The following LAPTM4B variants were observed in gnomAD, a reference collection of about 807,000 sequenced individuals.
LAPTM4B encodes the protein lysosomal-associated transmembrane protein 4B.
LAPTM4B carries 26 observed loss-of-function variants against 28.5 expected under a neutral mutation model. That is an observed-to-expected ratio of 0.91 (90% CI 0.67 to 1.27). LAPTM4B has a LOEUF of 1.27. Among genes scored for constraint, LAPTM4B ranks in the 50% most tolerant of loss-of-function variants. The pLI, the probability that LAPTM4B is intolerant of heterozygous loss-of-function variation, is 0.00. For synonymous variants in LAPTM4B, 109 were observed against 106.4 expected (o/e 1.02, Z -0.15); for missense variants, 288 against 285.8 (o/e 1.01, Z -0.06).
intron 2 of LAPTM4B, among the ~76,000 whole-genome samples, chr8:97,807,901 AAAAAAAG>A (rs1387156278): frequency 3.0e-4 from 46 of 151,982 alleles, no homozygotes; most frequent in South Asian, 6.2e-4. Context: ...AAAAAAAAAA[AAAAAAAG>A]GAAAAGTTGG....
intron 6 of LAPTM4B, among the ~76,000 whole-genome samples, chr8:97,833,885 C>T (rs1817221483): frequency 6.6e-6 from 1 of 152,024 alleles, no homozygotes; most frequent in South Asian, 2.1e-4. Flanking sequence ...GAGAAGCTTT[C>T]CCTCATGTAC....
At chr8:97,804,881 G>A (rs572862385) in intron 1 of LAPTM4B, among the ~76,000 whole-genome samples, 126 of 152,282 alleles carry the variant, frequency 8.3e-4, no homozygotes, top group African/African-American at 2.6e-3. Context: ...TTCATTCTCT[G>A]AAACTGCTTC....
At chr8:97,847,885 A>C (rs1169880401) in intron 6 of LAPTM4B, among the ~76,000 whole-genome samples, 1 of 152,248 alleles carries the variant, frequency 6.6e-6, no homozygotes, top group Non-Finnish European at 1.5e-5. Flanking sequence ...AACTTTAATG[A>C]AAGGAGAAAT....
chr8:97,794,924 T>C (rs964166508), intron 1 of LAPTM4B, among the ~76,000 whole-genome samples: 6 of 152,022 alleles, frequency 3.9e-5, no homozygotes, highest in African/African-American at 1.4e-4. Flanking sequence ...GTTGTGCAGG[T>C]TGGTCTCAAA....
chr8:97,777,376 G>T (rs1195619534), intron 1 of LAPTM4B, among the ~76,000 whole-genome samples: 1 of 151,884 alleles, frequency 6.6e-6, no homozygotes, highest in East Asian at 1.9e-4. Flanking sequence ...TCGAACTGCT[G>T]ACCTCGTGAT....
intron 1 of LAPTM4B, among the ~76,000 whole-genome samples, chr8:97,791,569 C>A (rs1816500102): frequency 6.6e-6 from 1 of 152,084 alleles, no homozygotes; most frequent in South Asian, 2.1e-4. Context: ...GCACGCTAGC[C>A]CCTTGTCAGA....
chr8:97,832,541 A>G (rs1401051481), intron 6 of LAPTM4B, among the ~76,000 whole-genome samples: 2 of 152,176 alleles, frequency 1.3e-5, no homozygotes, highest in Non-Finnish European at 2.9e-5. Context: ...TTTTCTTCTG[A>G]AAGAATTATA....
chr8:97,816,087 C>T lies in LAPTM4B; in HGVS notation c.315C>T (p.Phe105=), dbSNP rs771137387. 1 of 1,613,492 alleles carries T rather than the reference C, an allele frequency of 6.2e-7. No homozygotes were observed. The highest frequency in any genetic ancestry group is 2.2e-5 in the East Asian group (1 of 44,848). The part of the protein sequence containing the change: ...KQRAAWIIPF[F]CYQIFDFALN... ...GCGCAGCCTGGATCATCCCATTCTT[C>T]TGTTACCAGATCTTTGACTTTGCCC... The change falls in exon 4 of 7, where the codon TTC becomes TTT. Residue 105 remains phenylalanine, a synonymous_variant. Coordinates refer to ENST00000521545, the MANE Select transcript of LAPTM4B (RefSeq NM_018407.6).
intron 6 of LAPTM4B, among the ~76,000 whole-genome samples, chr8:97,845,860 C>CT (rs150901580): frequency 0.15 from 5,985 of 38,764 alleles, 928 homozygotes; most frequent in African/African-American, 0.21. Context: ...CCTTTTCCCC[C>CT]CCCTTCCACT....
chr8:97,844,775 G>A (rs1397384726), intron 6 of LAPTM4B, among the ~76,000 whole-genome samples: 2 of 152,134 alleles, frequency 1.3e-5, no homozygotes, highest in Non-Finnish European at 2.9e-5. Context: ...GTAAAAGCTT[G>A]CAACTCATCT....
At chr8:97,798,916 T>G (rs946544833) in intron 1 of LAPTM4B, among the ~76,000 whole-genome samples, 1 of 152,216 alleles carries the variant, frequency 6.6e-6, no homozygotes, top group Non-Finnish European at 1.5e-5. Flanking sequence ...CAGCACAGTG[T>G]ATCTAAAATC....
chr8:97,814,166 T>C (rs944657101), intron 2 of LAPTM4B, among the ~76,000 whole-genome samples: 8 of 152,066 alleles, frequency 5.3e-5, no homozygotes, highest in South Asian at 2.1e-4. Context: ...CAACTCCAGA[T>C]TGGGAGACCA....
chr8:97,815,956 A>G (rs541576224), intron 3 of LAPTM4B, 102 bp from the exon 4 acceptor site: 1 of 1,201,084 alleles, frequency 8.3e-7, no homozygotes, highest in Non-Finnish European at 1.1e-6. Context: ...ATGAATTCCA[A>G]TTTTTCCATT....
At chr8:97,782,205 T>A (rs1482377347) in intron 1 of LAPTM4B, among the ~76,000 whole-genome samples, 1 of 144,236 alleles carries the variant, frequency 6.9e-6, no homozygotes, top group Non-Finnish European at 1.5e-5. Context: ...GGTCTCGAAC[T>A]CCCGACCTCT....
chr8:97,841,393 T>A (rs1245791906), intron 6 of LAPTM4B, among the ~76,000 whole-genome samples: 1 of 152,226 alleles, frequency 6.6e-6, no homozygotes, highest in Non-Finnish European at 1.5e-5. Context: ...AATGGCACGA[T>A]CTTGGCTTAC....
chr8:97,802,339 C>T (rs1008926046), intron 1 of LAPTM4B, among the ~76,000 whole-genome samples: 4 of 152,134 alleles, frequency 2.6e-5, no homozygotes, highest in African/African-American at 4.8e-5. Context: ...GGGCAATTCC[C>T]GGAAATGAGA....
At chr8:97,776,633 A>T (rs1390527857) in intron 1 of LAPTM4B, among the ~76,000 whole-genome samples, 2 of 152,150 alleles carry the variant, frequency 1.3e-5, no homozygotes, top group Admixed American at 1.3e-4. Flanking sequence ...ACGCCGTCGC[A>T]CGTTCGGATC....
At chr8:97,778,544 G>A (rs957755542) in intron 1 of LAPTM4B, among the ~76,000 whole-genome samples, 62 of 152,166 alleles carry the variant, frequency 4.1e-4, no homozygotes, top group African/African-American at 1.4e-3. Context: ...ACTGTGGCAA[G>A]CTATATCCGC....
chr8:97,811,343 G>A (rs1355560095), intron 2 of LAPTM4B, among the ~76,000 whole-genome samples: 1 of 152,096 alleles, frequency 6.6e-6, no homozygotes, highest in East Asian at 1.9e-4. Flanking sequence ...GTATAAAAAT[G>A]GTCATAGTAG....
Sources: gnomAD v4.1 joint callset for allele counts (sites outside exome capture counted in the v4.1 genomes callset) on GRCh38, gnomAD v4.1.1 for gene constraint, MANE v1.5 for transcripts, NCBI Gene and HGNC (gene_info 2026-07-23, HGNC 2026-07-21) for gene names.